FAM20B: variants seen among roughly 807,000 people sequenced by gnomAD.
The protein encoded by FAM20B is FAM20B glycosaminoglycan xylosylkinase.
A neutral mutation model predicts 43.8 loss-of-function variants in FAM20B; 23 were observed. The observed-to-expected ratio is 0.53, with a 90% CI of 0.38 to 0.74. The LOEUF (loss-of-function observed/expected upper bound fraction) is 0.74. Ranked by LOEUF, FAM20B falls within the 30% of genes least tolerant of loss-of-function variation. The pLI, the probability that FAM20B is intolerant of heterozygous loss-of-function variation, is 0.00. For synonymous variants in FAM20B, 178 were observed against 192.4 expected, an observed-to-expected ratio of 0.93 and a Z score of 0.62; for missense variants, 440 against 510.5, an observed-to-expected ratio of 0.86 and a Z score of 1.33.
At chr1:179,033,004 G>A (rs1373748123) in intron 1 of FAM20B, among the ~76,000 whole-genome samples, 2 of 152,212 alleles carry the variant, frequency 1.3e-5, no homozygotes, top group Non-Finnish European at 2.9e-5. Flanking sequence ...GGAACGGGGT[G>A]TAAACTCATA....
chr1:179,061,150 C>T (rs2102518088), intron 4 of FAM20B, among the ~76,000 whole-genome samples: 1 of 144,670 alleles, frequency 6.9e-6, no homozygotes, highest in Admixed American at 7.2e-5. Flanking sequence ...ACAATCTCGG[C>T]TTACTGCAAC....
intron 3 of FAM20B, among the ~76,000 whole-genome samples, chr1:179,051,122 T>TAA (rs71108087): frequency 1.4e-5 from 2 of 140,796 alleles, no homozygotes; most frequent in Admixed American, 7.1e-5. Flanking sequence ...ACTCTGTCTT[T>TAA]AAAAAAAAAA....
At chr1:179,033,081 C>T (rs74591207) in intron 1 of FAM20B, among the ~76,000 whole-genome samples, 3,661 of 152,292 alleles carry the variant, frequency 0.024, 102 homozygotes, top group East Asian at 0.072. Context: ...GGGCAGTATA[C>T]CAGACAGCCC....
intron 2 of FAM20B, among the ~76,000 whole-genome samples, chr1:179,046,076 T>C (rs1042110811): frequency 2.8e-4 from 43 of 152,202 alleles, no homozygotes; most frequent in African/African-American, 1.0e-3. Flanking sequence ...AATAAGAAAC[T>C]GAGGTTCAGA....
chr1:179,025,377 T>G (rs1649709834), upstream of FAM20B, among the ~76,000 whole-genome samples: 1 of 152,162 alleles, frequency 6.6e-6, no homozygotes, highest in Non-Finnish European at 1.5e-5. Flanking sequence ...TTGCACTCAG[T>G]GTGGAAAGGC....
At chr1:179,040,858 CAG>C (rs1219847956) in intron 1 of FAM20B, among the ~76,000 whole-genome samples, 3 of 150,788 alleles carry the variant, frequency 2.0e-5, no homozygotes, top group Non-Finnish European at 4.4e-5. Context: ...ACTTCTCAGA[CAG>C]GGCGGTTGCC....
At chr1:179,025,099 A>G (rs1649699924), upstream of FAM20B, among the ~76,000 whole-genome samples, 1 of 152,216 alleles carries the variant, frequency 6.6e-6, no homozygotes, top group Admixed American at 6.5e-5. Flanking sequence ...AAATGGATGG[A>G]CACAGTGGCG....
chr1:179,050,348 A>T lies in FAM20B; in HGVS notation c.447A>T (p.Ala149=). 4 of 1,613,808 alleles carry T rather than the reference A, an allele frequency of 2.5e-6. No homozygotes were observed. The highest frequency in any genetic ancestry group is 3.4e-6 in the Non-Finnish European group (4 of 1,179,658). The change falls in exon 3 of 8, where the codon GCA becomes GCT. Residue 149 remains alanine (A), a synonymous_variant. Transcript: ENST00000263733. ...AGYDRHNAEV[A]AFHLDRILGF... ...ATGATAGACACAATGCAGAGGTAGC[A>T]GCCTTTCACTTGGACAGGTGCGTAT...
intron 5 of FAM20B, 70 bp downstream of exon 5, chr1:179,064,168 C>A: frequency 6.9e-7 from 1 of 1,451,728 alleles, no homozygotes; most frequent in Non-Finnish European, 9.5e-7. Context: ...TGTAAAGGAG[C>A]CAGCAGTTCT....
chr1:179,038,059 A>G (rs1028721003), intron 1 of FAM20B, among the ~76,000 whole-genome samples: 1 of 152,156 alleles, frequency 6.6e-6, no homozygotes, highest in Non-Finnish European at 1.5e-5. Flanking sequence ...TGATATATTT[A>G]TATAGCACGA....
chr1:179,042,653 CA>C (rs1650593351), intron 1 of FAM20B, among the ~76,000 whole-genome samples: 1 of 152,168 alleles, frequency 6.6e-6, no homozygotes, highest in African/African-American at 2.4e-5. Flanking sequence ...TCCCATGCCC[CA>C]CGCTGACAAC....
chr1:179,021,850 C>T (rs1649609424), upstream of FAM20B, among the ~76,000 whole-genome samples: 1 of 152,134 alleles, frequency 6.6e-6, no homozygotes, highest in Admixed American at 6.5e-5. Context: ...ATATTTTAAG[C>T]AAGTGAGTTT....
chr1:179,035,134 G>A (rs1321593839), intron 1 of FAM20B, among the ~76,000 whole-genome samples: 1 of 152,178 alleles, frequency 6.6e-6, no homozygotes, highest in Non-Finnish European at 1.5e-5. Context: ...GTGTTCTCAT[G>A]TTCCTTGGCA....
intron 1 of FAM20B, chr1:179,035,661 C>T: frequency 2.5e-6 from 1 of 403,586 alleles, no homozygotes; most frequent in Non-Finnish European, 4.6e-6. Context: ...ATCTTGGAGG[C>T]ATGGACCGGA....
intron 1 of FAM20B, among the ~76,000 whole-genome samples, chr1:179,026,880 A>G (rs893340831): frequency 3.3e-5 from 5 of 152,238 alleles, no homozygotes; most frequent in African/African-American, 1.2e-4. Context: ...TTAACCTGCC[A>G]GTCTCCGGAT....
At chr1:179,051,686 C>T (rs1361217028) in intron 3 of FAM20B, among the ~76,000 whole-genome samples, 2 of 152,172 alleles carry the variant, frequency 1.3e-5, no homozygotes, top group East Asian at 1.9e-4. Flanking sequence ...TCACTCTGTC[C>T]TCCAGACTGG....
chr1:179,074,496 A>G lies in FAM20B; in HGVS notation c.*2352A>G, dbSNP rs1264905987. 1 of 152,362 alleles carries G rather than the reference A, an allele frequency of 6.6e-6. No individual in the cohort carries two copies. The allele number at this position is 152,362 out of a possible 1,614,324, so 9.4% of individuals were successfully genotyped here. On this transcript the variant is annotated 3_prime_UTR_variant, in exon 8 of 8. Transcript: ENST00000263733. ...CCTTTAGTATGCCACACTGAAATGAATAAGAAGTCTTCTGAAACTGGGAAC... is the reference window on the plus strand; with the variant it reads ...CCTTTAGTATGCCACACTGAAATGAGTAAGAAGTCTTCTGAAACTGGGAAC...
chr1:179,060,820 C>T (rs1557877095), intron 4 of FAM20B, among the ~76,000 whole-genome samples: 1 of 152,166 alleles, frequency 6.6e-6, no homozygotes, highest in Non-Finnish European at 1.5e-5. Flanking sequence ...AGATGTTTAA[C>T]CAGTTTATAT....
chr1:179,044,296 A>G (rs1009635355), intron 2 of FAM20B, 72 bp downstream of exon 2: 2 of 1,489,740 alleles, frequency 1.3e-6, no homozygotes, highest in Non-Finnish European at 1.8e-6. Context: ...TATAAGATTT[A>G]TTTTGTCATC....
Sources: gnomAD v4.1 joint callset for allele counts (sites outside exome capture counted in the v4.1 genomes callset) on GRCh38, gnomAD v4.1.1 for gene constraint, MANE v1.5 for transcripts, NCBI Gene and HGNC (gene_info 2026-07-23, HGNC 2026-07-21) for gene names.